The following PBRM1 variants were observed in gnomAD, a reference collection of about 807,000 sequenced individuals.
PBRM1 encodes protein polybromo-1.
Under a neutral mutation model 194.5 loss-of-function variants are expected in PBRM1, and 27 were observed. The ratio of observed to expected loss-of-function variants is 0.14; its 90% CI spans 0.10 to 0.19. PBRM1 has a LOEUF of 0.19. PBRM1 is among the 10% of genes least tolerant of loss of function. The pLI, the probability that PBRM1 is intolerant of heterozygous loss-of-function variation, is 1.00. For synonymous variants in PBRM1, 655 were observed against 693.2 expected (o/e 0.94, Z 0.87); for missense variants, 1,466 against 2,077.2 (o/e 0.71, Z 5.72).
intron 15 of PBRM1, among the ~76,000 whole-genome samples, chr3:52,610,649 T>A (rs918645543): frequency 3.6e-4 from 54 of 152,100 alleles, no homozygotes; most frequent in Non-Finnish European, 1.9e-4. Context: ...CAATAGAATA[T>A]AGGAACCGGC....
chr3:52,665,824 T>C (rs1190167366), intron 3 of PBRM1, among the ~76,000 whole-genome samples: 1 of 152,144 alleles, frequency 6.6e-6, no homozygotes, highest in East Asian at 1.9e-4. Flanking sequence ...CACTGTTCTA[T>C]CAGATTCAAA....
At position 52,624,961 on chromosome 3, in the gene PBRM1, C is replaced by T; in HGVS notation, c.1541+2312G>A. Reference sequence around the variant, plus strand: ...GTGTTCCTGGGAAAGCAGAAACAAACATTACATGTAAAGAGAAACAAAACA... The same window carrying T: ...GTGTTCCTGGGAAAGCAGAAACAAATATTACATGTAAAGAGAAACAAAACA... On this transcript the variant is annotated intron_variant, in intron 13 of 29. Transcript: ENST00000296302. The T allele has an allele frequency of 6.5e-7, 1 of 1,532,630 alleles. No individual in the cohort carries two copies. The highest frequency in any genetic ancestry group is 8.8e-7 in the Non-Finnish European group (1 of 1,130,692). The allele number at this position is 1,532,630 out of a possible 1,614,324, so 94.9% of individuals were successfully genotyped here.
At chr3:52,651,119 T>G (rs895320887) in intron 6 of PBRM1, among the ~76,000 whole-genome samples, 1 of 152,318 alleles carries the variant, frequency 6.6e-6, no homozygotes, top group Non-Finnish European at 1.5e-5. Flanking sequence ...AATACTACTC[T>G]GTGGAGTTTT....
chr3:52,653,045 T>C (rs1211330177), intron 5 of PBRM1, among the ~76,000 whole-genome samples: 1 of 152,108 alleles, frequency 6.6e-6, no homozygotes, highest in African/African-American at 2.4e-5. Flanking sequence ...CAATTTTTCA[T>C]TTAAGGTCCC....
intron 17 of PBRM1, among the ~76,000 whole-genome samples, chr3:52,595,916 A>G (rs138716917): frequency 1.1e-3 from 172 of 152,256 alleles, no homozygotes; most frequent in African/African-American, 3.9e-3. Context: ...CCCAATGTAT[A>G]TTCTTGGCAC....
At chr3:52,620,020 A>C (rs2153518231) in intron 13 of PBRM1, among the ~76,000 whole-genome samples, 1 of 152,208 alleles carries the variant, frequency 6.6e-6, no homozygotes. Context: ...TTTCTGTTAG[A>C]TAAGTTTGTT....
At chr3:52,603,430 AT>A in intron 17 of PBRM1, 90 bp downstream of exon 19, 1 of 1,357,864 alleles carries the variant, frequency 7.4e-7, no homozygotes, top group Non-Finnish European at 1.0e-6. Flanking sequence ...GTTTTCATTC[AT>A]ACAAACAGGA....
At chr3:52,563,072 A>G (rs2878629) in intron 24 of PBRM1, among the ~76,000 whole-genome samples, 1 of 132,104 alleles carries the variant, frequency 7.6e-6, no homozygotes, top group Non-Finnish European at 1.8e-5. Flanking sequence ...TATTAATGGT[A>G]TTAATATAAA....
chr3:52,643,410 C>T lies in PBRM1; in HGVS notation c.900-67G>A, dbSNP rs949616844. ...GAAATTAGAGTGCTGGGTAAACAAA[C>T]ACACACACAACCATTTTCTTCTCTT... On this transcript the variant is annotated intron_variant, in intron 8 of 29. Transcript: ENST00000296302. 18 of 936,448 alleles carry T rather than the reference C, an allele frequency of 1.9e-5. No homozygotes were observed. The Admixed American group carries it at 3.2e-4, about 17-fold the overall frequency. The allele number at this position is 936,448 out of a possible 1,614,324, so 58.0% of individuals were successfully genotyped here.
chr3:52,674,735 TTAGG>T (rs1418101395), intron 2 of PBRM1, among the ~76,000 whole-genome samples: 5 of 149,184 alleles, frequency 3.4e-5, no homozygotes, highest in Non-Finnish European at 7.4e-5. Flanking sequence ...GTATGTAGCG[TTAGG>T]TAAGAATCCA....
At chr3:52,583,868 C>T (rs1463589013) in intron 20 of PBRM1, among the ~76,000 whole-genome samples, 1 of 152,154 alleles carries the variant, frequency 6.6e-6, no homozygotes, top group East Asian at 1.9e-4. Flanking sequence ...TGGTCTGGAA[C>T]TCCTGGCTTC....
intron 17 of PBRM1, among the ~76,000 whole-genome samples, chr3:52,592,950 T>A (rs1235957944): frequency 1.2e-4 from 18 of 152,214 alleles, no homozygotes; most frequent in Admixed American, 1.2e-3. Context: ...TGCATAGAGG[T>A]GTTCATAGTA....
rs373048805 is a variant in PBRM1 at position 52,675,972 on chromosome 3, G to A, written c.236+2528C>T. The stretch of plus-strand genomic sequence containing the variant: ...CTACTAAAAATACAAAAAATTAGCC[G>A]GGCGTAGTGGCGGGCGCCTGTAGTC... On this transcript the variant is annotated intron_variant, in intron 2 of 29. Transcript: ENST00000296302. 5.0e-5 allele frequency among the ~76,000 whole-genome samples: 5 copies of A among 99,244 alleles called. 1 individual carries two copies. The highest frequency in any genetic ancestry group is 1.3e-4 in the African/African-American group (3 of 23,022). The allele number at this position is 99,244 out of a possible 152,430, so 65.1% of individuals were successfully genotyped here. A position where few individuals can be genotyped will look rare whatever the true frequency, so the allele number is the denominator to read the frequency against.
chr3:52,586,097 A>ACCACACTCTACTAAAAATACAAAAAAAAT, intron 20 of PBRM1: 1 of 179,794 alleles, frequency 5.6e-6, no homozygotes, highest in South Asian at 1.2e-4. Context: ...CACCACACCC[A>ACCACACTCTACTAAAAATACAAAAAAAAT]GCTAATTTTT....
chr3:52,635,908 G>C (rs2095790934), intron 10 of PBRM1, among the ~76,000 whole-genome samples: 2 of 152,092 alleles, frequency 1.3e-5, no homozygotes, highest in African/African-American at 4.8e-5. Context: ...TCTGTCGCCA[G>C]GCTGGAGTGC....
At chr3:52,670,090 G>A (rs1165159347) in intron 2 of PBRM1, among the ~76,000 whole-genome samples, 1 of 152,148 alleles carries the variant, frequency 6.6e-6, no homozygotes, top group African/African-American at 2.4e-5. Context: ...CCTTGCTGAG[G>A]CAGGACCCCA....
chr3:52,683,367 G>A (rs369535958), upstream of PBRM1, among the ~76,000 whole-genome samples: 10 of 149,648 alleles, frequency 6.7e-5, no homozygotes, highest in East Asian at 1.2e-3. Flanking sequence ...GAGCGAGACC[G>A]TCTCAAGAAA....
chr3:52,593,419 T>G (rs563232671), intron 17 of PBRM1, among the ~76,000 whole-genome samples: 1 of 152,186 alleles, frequency 6.6e-6, no homozygotes, highest in Non-Finnish European at 1.5e-5. Flanking sequence ...GCATTTTTAG[T>G]AGAGAAGAGG....
intron 13 of PBRM1, among the ~76,000 whole-genome samples, chr3:52,626,426 T>A (rs1402077201): frequency 1.3e-5 from 2 of 152,246 alleles, no homozygotes; most frequent in Admixed American, 1.3e-4. Context: ...ATGTATAGAC[T>A]GTGTCAACAG....
Sources: allele counts gnomAD v4.1 joint callset (sites outside exome capture counted in the v4.1 genomes callset), GRCh38; gene constraint gnomAD v4.1.1; transcripts MANE v1.5; gene names NCBI Gene and HGNC (gene_info 2026-07-23, HGNC 2026-07-21).